Variants in CHCHD6 observed in about 807,000 individuals in gnomAD.
CHCHD6 encodes coiled-coil-helix-coiled-coil-helix domain containing 6.
CHCHD6 carries 28 observed loss-of-function variants against 32.3 expected under a neutral mutation model. That is an observed-to-expected ratio of 0.87 (90% CI 0.64 to 1.19). CHCHD6 has a LOEUF of 1.19. Ranked by LOEUF, CHCHD6 falls within the 50% of genes most tolerant of loss-of-function variation. The pLI is 0.00. For missense variants in CHCHD6, 333 were observed against 307.0 expected (o/e 1.08, Z -0.63); for synonymous variants, 122 against 117.5 (o/e 1.04, Z -0.25).
chr3:126,727,293 G>T, intron 2 of CHCHD6, 107 bp downstream of exon 2: 1 of 708,550 alleles, frequency 1.4e-6, no homozygotes, highest in Non-Finnish European at 2.4e-6. Flanking sequence ...TTGGCTTCTG[G>T]ATGACGTTAA....
At position 126,865,279 on chromosome 3, in the gene CHCHD6, C is replaced by T. The variant is rs534060846; in HGVS notation, c.495+12549C>T. Among the ~76,000 whole-genome samples the T allele has an allele frequency of 2.0e-5, 3 of 152,028 alleles. No individual in the cohort carries two copies. The South Asian group carries it at 6.2e-4, about 32-fold the overall frequency. On this transcript the variant is annotated intron_variant, in intron 5 of 7. Transcript: ENST00000290913. ...ACATCTACGTTCAATTTTACCTCCT[C>T]TACTTCCAGCCACCTCCATTACCAA...
intron 5 of CHCHD6, among the ~76,000 whole-genome samples, chr3:126,910,617 A>C (rs1355621471): frequency 6.6e-6 from 1 of 152,236 alleles, no homozygotes; most frequent in East Asian, 1.9e-4. Flanking sequence ...CTACAGATAC[A>C]CACAAAGTTC....
chr3:126,740,431 C>T (rs573380204), intron 4 of CHCHD6, among the ~76,000 whole-genome samples: 8 of 152,280 alleles, frequency 5.3e-5, no homozygotes, highest in Admixed American at 5.2e-4. Flanking sequence ...TAAGAAAATT[C>T]TCATAACTGA....
At chr3:126,852,575 C>A in intron 4 of CHCHD6, 72 bp from the exon 5 acceptor site, 1 of 1,053,354 alleles carries the variant, frequency 9.5e-7, no homozygotes, top group Non-Finnish European at 1.5e-6. Context: ...AAATGTCCGT[C>A]GCCTTCTCCC....
At chr3:126,767,490 A>G in intron 4 of CHCHD6, 1 of 573,922 alleles carries the variant, frequency 1.7e-6, no homozygotes, top group Non-Finnish European at 3.2e-6. Flanking sequence ...TTTTCCTCCC[A>G]TGCCTGTTAG....
intron 6 of CHCHD6, among the ~76,000 whole-genome samples, chr3:126,939,325 A>C (rs2078526172): frequency 6.6e-6 from 1 of 152,230 alleles, no homozygotes; most frequent in Non-Finnish European, 1.5e-5. Context: ...GTTTTAAGAA[A>C]ATAGCTCTGG....
At chr3:126,719,774 T>C (rs1935190840) in intron 1 of CHCHD6, among the ~76,000 whole-genome samples, 1 of 152,178 alleles carries the variant, frequency 6.6e-6, no homozygotes, top group Non-Finnish European at 1.5e-5. Flanking sequence ...TCACAGTGAG[T>C]GCCTCATAAA....
At chr3:126,782,815 G>A (rs1371002867) in intron 4 of CHCHD6, among the ~76,000 whole-genome samples, 1 of 152,170 alleles carries the variant, frequency 6.6e-6, no homozygotes, top group Non-Finnish European at 1.5e-5. Context: ...ATTGTGGGAG[G>A]AAACAGTCAT....
At chr3:126,748,608 A>AG (rs1432119731) in intron 4 of CHCHD6, among the ~76,000 whole-genome samples, 1 of 151,862 alleles carries the variant, frequency 6.6e-6, no homozygotes, top group East Asian at 1.9e-4. Context: ...AAAAAAAAAA[A>AG]AAAAGAAAGA....
intron 5 of CHCHD6, among the ~76,000 whole-genome samples, chr3:126,873,988 G>A (rs2077509601): frequency 6.6e-6 from 1 of 152,220 alleles, no homozygotes; most frequent in Non-Finnish European, 1.5e-5. Context: ...TTTTGAAAGG[G>A]CGGGAAGATT....
chr3:126,704,808 C>G (rs1934397376), intron 1 of CHCHD6, among the ~76,000 whole-genome samples: 1 of 152,202 alleles, frequency 6.6e-6, no homozygotes, highest in African/African-American at 2.4e-5. Flanking sequence ...CAGCTCTTCC[C>G]CGCCGGCCTG....
chr3:126,823,197 G>A lies in CHCHD6; in HGVS notation c.412-29450G>A, dbSNP rs576686117. 1.9e-4 allele frequency among the ~76,000 whole-genome samples: 29 copies of A among 152,314 alleles called. No individual in the cohort carries two copies. In the South Asian group the frequency reaches 3.9e-3, roughly 21 times the overall value. ...CTCACAAACTGCTAGGATTACAGGC[G>A]TGAGCCATCACACCTAGCCAATTTT... On this transcript the variant is annotated intron_variant, in intron 4 of 7. Coordinates refer to ENST00000290913, the MANE Select transcript of CHCHD6 (RefSeq NM_032343.3).
intron 4 of CHCHD6, among the ~76,000 whole-genome samples, chr3:126,811,681 A>C (rs1939660890): frequency 6.6e-6 from 1 of 152,172 alleles, no homozygotes; most frequent in Non-Finnish European, 1.5e-5. Context: ...ATTCCTACAC[A>C]GCTCTGCTTA....
At chr3:126,950,275 G>T (rs925043649) in intron 6 of CHCHD6, among the ~76,000 whole-genome samples, 1 of 152,144 alleles carries the variant, frequency 6.6e-6, no homozygotes, top group Non-Finnish European at 1.5e-5. Flanking sequence ...CAGAGATAAA[G>T]GCTGCACAGA....
chr3:126,767,323 T>C, intron 4 of CHCHD6: 1 of 1,010,464 alleles, frequency 9.9e-7, no homozygotes, highest in South Asian at 1.3e-5. Context: ...CGGAGCCCAT[T>C]TCCATCAAGG....
chr3:126,907,042 G>C (rs561400421), intron 5 of CHCHD6, among the ~76,000 whole-genome samples: 8 of 152,178 alleles, frequency 5.3e-5, no homozygotes, highest in Non-Finnish European at 1.0e-4. Context: ...AGCAGCAGCT[G>C]CTGTTGTCTC....
At position 126,892,447 on chromosome 3, in the gene CHCHD6, C is replaced by T. The variant is rs796191881; in HGVS notation, c.496-22233C>T. ...GGCTCCTCACCTTGGTCTCTCCTGC[C>T]GCAGGGTGCTCACAACTTCACAATG... On this transcript the variant is annotated intron_variant, in intron 5 of 7. Coordinates refer to ENST00000290913, the MANE Select transcript of CHCHD6 (RefSeq NM_032343.3). 4.3e-4 allele frequency among the ~76,000 whole-genome samples: 65 copies of T among 152,310 alleles called. 1 individual carries two copies. The highest frequency in any genetic ancestry group is 1.4e-3 in the African/African-American group (59 of 41,560).
At chr3:126,853,433 C>T (rs535172794) in intron 5 of CHCHD6, among the ~76,000 whole-genome samples, 39 of 152,020 alleles carry the variant, frequency 2.6e-4, no homozygotes, top group Non-Finnish European at 5.0e-4. Flanking sequence ...GACAGCATGC[C>T]AAGCAACCTG....
At chr3:126,955,548 C>T (rs1374561567) in intron 6 of CHCHD6, among the ~76,000 whole-genome samples, 2 of 152,218 alleles carry the variant, frequency 1.3e-5, no homozygotes, top group Admixed American at 6.5e-5. Context: ...AAGGGGAAGG[C>T]GTGCTCTCCC....
Sources: allele counts gnomAD v4.1 joint callset (sites outside exome capture counted in the v4.1 genomes callset), GRCh38; gene constraint gnomAD v4.1.1; transcripts MANE v1.5; gene names NCBI Gene and HGNC (gene_info 2026-07-23, HGNC 2026-07-21).